Variants in RABGGTA observed in about 807,000 individuals in gnomAD.
RABGGTA encodes Rab geranylgeranyltransferase subunit alpha, also known as geranylgeranyl transferase type-2 subunit alpha.
RABGGTA carries 69 observed loss-of-function variants against 83.3 expected under a neutral mutation model. That is an observed-to-expected ratio of 0.83 (90% CI 0.68 to 1.01). RABGGTA has a LOEUF of 1.01. Ranked by LOEUF, RABGGTA falls within the 50% of genes least tolerant of loss-of-function variation. The pLI is 0.00. For missense variants in RABGGTA, 681 were observed against 712.7 expected (o/e 0.96, Z 0.51); for synonymous variants, 310 against 299.8 (o/e 1.03, Z -0.35).
At chr14:24,271,038 G>A (rs376353431) in intron 2 of RABGGTA, 75 bp downstream of exon 2, 960 of 1,587,792 alleles carry the variant, frequency 6.0e-4, no homozygotes, top group Non-Finnish European at 7.2e-4. Flanking sequence ...GGTTCATACG[G>A]GGCAACCATG....
intron 14 of RABGGTA, 103 bp from the exon 15 acceptor site, chr14:24,266,992 C>T: frequency 1.2e-6 from 1 of 805,964 alleles, no homozygotes; most frequent in East Asian, 2.6e-5. Context: ...GCCCCACAGG[C>T]CCTTGGGGAC....
At position 24,270,828 on chromosome 14, in the gene RABGGTA, G is replaced by C. The variant is rs1039379983; in HGVS notation, c.114+9C>G. ...TACTTGGGGTCGGGGCTACCTCTGAGGGCCCCACCTTCTGGAATACGGCCT... is the reference window on the plus strand; with the variant it reads ...TACTTGGGGTCGGGGCTACCTCTGACGGCCCCACCTTCTGGAATACGGCCT... On this transcript the variant is annotated intron_variant, in intron 3 of 16. Transcript: ENST00000216840. 6.2e-7 allele frequency: 1 copy of C among 1,612,850 alleles called. No individual in the cohort carries two copies.
In RABGGTA at chr14:24,269,948, C is replaced by T. The variant is rs754215348; in HGVS notation, c.427+5G>A. ...GCTGTGGGGACAGAATCTGCAGCCA[C>T]GTACAGTTCCGCTCATCCACCTCCA... On this transcript the variant is annotated splice_donor_5th_base_variant and intron_variant, in intron 5 of 16. Coordinates refer to ENST00000216840, the MANE Select transcript of RABGGTA (RefSeq NM_182836.3). 7.4e-6 allele frequency: 12 copies of T among 1,612,632 alleles called. No homozygotes were observed. Among genetic ancestry groups the T allele is most frequent in the South Asian group, 2.2e-5 (2 of 90,920 alleles).
rs370117945 is a variant in RABGGTA, at chr14:24,269,605, G to A, written c.517C>T (p.Arg173Ter). The change falls in exon 6 of 17, where the codon CGA becomes TGA. Residue 173 changes from arginine to a stop codon, truncating the protein, a stop_gained. Transcript: ENST00000216840. LOFTEE classifies it high-confidence loss of function. Reference protein sequence around the residue: ...ELAFTDSLITRNFSNYSSWHY... With the variant: ...ELAFTDSLIT ...CAGGAAGAGTAGTTGGAGAAGTTTCGGGTGATGAGGCTGTCAGTGAAGGCT... is the reference window on the plus strand; with the variant it reads ...CAGGAAGAGTAGTTGGAGAAGTTTCAGGTGATGAGGCTGTCAGTGAAGGCT... 3.1e-6 allele frequency: 5 copies of A among 1,613,830 alleles called. No homozygotes were observed. The highest frequency in any genetic ancestry group is 3.3e-5 in the Admixed American group (2 of 60,028).
chr14:24,265,906 C>T (rs1318346970), intron 16 of RABGGTA, 143 bp from the exon 17 acceptor site: 2 of 1,348,866 alleles, frequency 1.5e-6, no homozygotes, highest in African/African-American at 1.5e-5. Context: ...AGGCTCTAGG[C>T]AGGGACTGCA....
chr14:24,266,283 C>G, intron 16 of RABGGTA, 147 bp downstream of exon 16: 1 of 720,558 alleles, frequency 1.4e-6, no homozygotes, highest in East Asian at 2.7e-5. Context: ...CCGACAGCCC[C>G]AGGCTCTCCC....
Position 24,270,338 on chromosome 14 carries a change from G to T in RABGGTA, c.235C>A (p.Gln79Lys). Residue 79 changes from glutamine to lysine, a missense_variant, in exon 4 of 17, where the codon CAG becomes AAG. Physicochemically the swap from Gln to Lys is moderately conservative, Grantham distance 53. Around this residue, in one of 5 missense-constraint regions of RABGGTA, gnomAD observed 115 missense variants for 111.5 expected, o/e 1.03. Transcript: ENST00000216840. Reference protein sequence around the residue: ...RREVLQQLETQKSPEELAALV... With the variant: ...RREVLQQLETKKSPEELAALV... ...AGATCCTGAATCCCTACGCACTTCT[G>T]AGTCTCCAGCTGCTGGAGCACCTCT... is the stretch of plus-strand genomic sequence containing the variant. 6.2e-7 allele frequency: 1 copy of T among 1,613,318 alleles called. No individual in the cohort carries two copies. Among genetic ancestry groups the T allele is most frequent in the Admixed American group, 1.7e-5 (1 of 59,878 alleles).
At chr14:24,270,988 C>A (rs1430006841) in intron 2 of RABGGTA, 41 bp from the exon 3 acceptor site, 1 of 1,606,602 alleles carries the variant, frequency 6.2e-7, no homozygotes, top group Non-Finnish European at 8.5e-7. Flanking sequence ...GGTTGCCTTG[C>A]AGAAGCTGAC....
Position 24,271,505 on chromosome 14 carries a change from CGGGGGACGCG to C in RABGGTA, c.-83_-74del, listed in dbSNP as rs2040953893. ...GACCCACCTGCGCTGGGAGGAGGCGCGGGGGACGCGGAGCTGCGGCGCCCGCCACAGAGCC... is the reference window on the plus strand; with the variant it reads ...GACCCACCTGCGCTGGGAGGAGGCGCGAGCTGCGGCGCCCGCCACAGAGCC... On this transcript the variant is annotated 5_prime_UTR_variant, in exon 1 of 17. Transcript: ENST00000216840. 3 of 179,362 alleles carry C rather than the reference CGGGGGACGCG, an allele frequency of 1.7e-5. No homozygotes were observed. The highest frequency in any genetic ancestry group is 2.3e-5 in the Non-Finnish European group (2 of 86,322). 11.1% of individuals were successfully genotyped at this position (179,362 alleles called of 1,614,324 possible). A position where few individuals can be genotyped will look rare whatever the true frequency, so the allele number is the denominator to read the frequency against.
chr14:24,270,765 G>A, intron 3 of RABGGTA, 72 bp downstream of exon 3: 1 of 1,551,766 alleles, frequency 6.4e-7, no homozygotes, highest in Non-Finnish European at 8.7e-7. Context: ...TCTGACTCTA[G>A]GGACCAGCTC....
Position 24,268,178 on chromosome 14 carries a change from T to C in RABGGTA, c.1079A>G (p.Lys360Arg). 6.2e-7 allele frequency: 1 copy of C among 1,613,734 alleles called. No individual in the cohort carries two copies. Among genetic ancestry groups the C allele is most frequent in the Non-Finnish European group, 8.5e-7 (1 of 1,179,742 alleles). The change falls in exon 12 of 17, where the codon AAG (lysine) becomes AGG (arginine). Residue 360 changes from lysine to arginine, a missense_variant. By Grantham distance (26) the Lys-to-Arg change is conservative. Coordinates refer to ENST00000216840, the MANE Select transcript of RABGGTA (RefSeq NM_182836.3). Reference sequence around the variant, plus strand: ...CAGCTCAGACTGCAGCACTGTGGACTTCTCCACTGACAGCTCACACCTGAG... The same window carrying C: ...CAGCTCAGACTGCAGCACTGTGGACCTCTCCACTGACAGCTCACACCTGAG... ...QLFRCELSVE[K>R]STVLQSELES...
chr14:24,265,590 G>A lies in RABGGTA; in HGVS notation c.*25C>T, dbSNP rs1594578104. The stretch of plus-strand genomic sequence containing the variant: ...CTTTATTCAGTCCCAATAAGTTAAA[G>A]GGCAAGGGTAGGGGGCAGGGCCTCT... On this transcript the variant is annotated 3_prime_UTR_variant, in exon 17 of 17. Coordinates refer to ENST00000216840, the MANE Select transcript of RABGGTA (RefSeq NM_182836.3). 12 of 1,609,198 alleles carry A rather than the reference G, an allele frequency of 7.5e-6. No individual in the cohort carries two copies. Among genetic ancestry groups the A allele is most frequent in the Non-Finnish European group, 1.0e-5 (12 of 1,177,200 alleles).
At position 24,266,828 on chromosome 14, in the gene RABGGTA, T is replaced by A. The variant is rs1034806235; in HGVS notation, c.1415A>T (p.His472Leu). The change falls in exon 15 of 17, where the codon CAC (histidine) becomes CTC (leucine). Residue 472 changes from histidine to leucine, a missense_variant. Around this residue, in one of 5 missense-constraint regions of RABGGTA, gnomAD observed 421 missense variants for 418.5 expected, o/e 1.01. Coordinates refer to ENST00000216840, the MANE Select transcript of RABGGTA (RefSeq NM_182836.3). The part of the protein sequence containing the change: ...LLLVTHLDLS[H>L]NRLRTLPPAL... ...AGGTGGCAGGGTTCGGAGGCGATTG[T>A]GTGACAAGTCAAGATGGGTGACCAA... The A allele has an allele frequency of 6.2e-7, 1 of 1,613,756 alleles. No homozygotes were observed. Among genetic ancestry groups the A allele is most frequent in the Non-Finnish European group, 8.5e-7 (1 of 1,179,856 alleles).
At chr14:24,266,356 CCTG>C (rs2139035986) in intron 16 of RABGGTA, 71 bp downstream of exon 16, 2 of 1,387,028 alleles carry the variant, frequency 1.4e-6, no homozygotes, top group Non-Finnish European at 2.1e-6. Context: ...ACATACCCTG[CCTG>C]CTGTCTGTCC....
At chr14:24,267,629 G>A in intron 14 of RABGGTA, 31 bp downstream of exon 14, 1 of 1,574,454 alleles carries the variant, frequency 6.4e-7, no homozygotes, top group Non-Finnish European at 8.7e-7. Flanking sequence ...CGGGATGAGG[G>A]CCAGGGGAAG....
Position 24,267,734 on chromosome 14 carries a change from T to C in RABGGTA, c.1279A>G (p.Ser427Gly), listed in dbSNP as rs774937343. ...MRATYLDDLR[S>G]KFLLENSVLK... Reference sequence around the variant, plus strand: ...ACGCTATTCTCCAGCAAGAACTTGCTGCGCAGGTCATCCAGATACGTTGCC... The same window carrying C: ...ACGCTATTCTCCAGCAAGAACTTGCCGCGCAGGTCATCCAGATACGTTGCC... Residue 427 changes from serine (S) to glycine (G), a missense_variant, in exon 14 of 17, where the codon AGC (serine) becomes GGC (glycine). Transcript: ENST00000216840. 4 of 1,612,024 alleles carry C rather than the reference T, an allele frequency of 2.5e-6. No homozygotes were observed. In the African/African-American group the frequency reaches 4.0e-5, roughly 16 times the overall value.
chr14:24,269,367 C>G (rs2040915281), intron 6 of RABGGTA, 124 bp downstream of exon 6: 3 of 1,237,868 alleles, frequency 2.4e-6, no homozygotes, highest in Non-Finnish European at 3.4e-6. Context: ...CTTAAGCACC[C>G]CTGGAGCCAC....
chr14:24,267,315 G>A (rs937378478), intron 14 of RABGGTA, among the ~76,000 whole-genome samples: 2 of 152,290 alleles, frequency 1.3e-5, no homozygotes, highest in Admixed American at 1.3e-4. Context: ...GGAATCTCTG[G>A]AAAGTATTTG....
rs984155198 is a variant in RABGGTA at position 24,269,234 on chromosome 14, C to G, written c.632-71G>C. 14 of 1,401,192 alleles carry G rather than the reference C, an allele frequency of 1.0e-5. No homozygotes were observed. In the Admixed American group the frequency reaches 2.8e-4, roughly 28 times the overall value. 86.8% of individuals were successfully genotyped at this position (1,401,192 alleles called of 1,614,324 possible). A position where few individuals can be genotyped will look rare whatever the true frequency, so the allele number is the denominator to read the frequency against. On this transcript the variant is annotated intron_variant, in intron 6 of 16. Transcript: ENST00000216840. ...AGCTCCTGGCCACTCCAACACCCTA[C>G]CCTCTCCTTGGAGTACTTCCAGCCC...
Sources: allele counts gnomAD v4.1 joint callset (sites outside exome capture counted in the v4.1 genomes callset), GRCh38; gene constraint gnomAD v4.1.1; regional missense constraint gnomAD v4.1.1; transcripts MANE v1.5; gene names NCBI Gene and HGNC (gene_info 2026-07-23, HGNC 2026-07-21).